The following FTL variants were observed in gnomAD, a reference collection of about 807,000 sequenced individuals.
FTL encodes ferritin light chain.
Under a neutral mutation model 16.6 loss-of-function variants are expected in FTL, and 17 were observed. The ratio of observed to expected loss-of-function variants is 1.02; its 90% CI spans 0.70 to 1.53. The LOEUF (loss-of-function observed/expected upper bound fraction) is 1.53, where lower values mean the gene tolerates loss of function less well. Among genes scored for constraint, FTL ranks in the 40% most tolerant of loss-of-function variants. FTL has a pLI of 0.00. For synonymous variants in FTL, 73 were observed against 89.9 expected, an observed-to-expected ratio of 0.81 and a Z score of 1.06; for missense variants, 186 against 226.1, an observed-to-expected ratio of 0.82 and a Z score of 1.14.
chr19:48,965,439 T>C lies in FTL; in HGVS notation c.-69T>C, dbSNP rs1600121027. ...GCTTGCAACCTCCGGGACCATCTTC[T>C]CGGCCATCTCCTGCTTCTGGGACCT... On this transcript the variant is annotated 5_prime_UTR_variant, in exon 1 of 4. Coordinates refer to ENST00000331825, the MANE Select transcript of FTL (RefSeq NM_000146.4). 1 of 1,041,200 alleles carries C rather than the reference T, an allele frequency of 9.6e-7. No individual in the cohort carries two copies. Among genetic ancestry groups the C allele is most frequent in the East Asian group, 2.4e-5 (1 of 42,334 alleles). 64.5% of individuals were successfully genotyped at this position (1,041,200 alleles called of 1,614,324 possible).
In FTL at chr19:48,965,462, CCTG is replaced by C. The variant is rs2122430309; in HGVS notation, c.-44_-42del. On this transcript the variant is annotated 5_prime_UTR_variant, in exon 1 of 4. Coordinates refer to ENST00000331825, the MANE Select transcript of FTL (RefSeq NM_000146.4). ...TCTCGGCCATCTCCTGCTTCTGGGACCTGCCAGCACCGTTTTTGTGGTTAGCTC... is the reference window on the plus strand; with the variant it reads ...TCTCGGCCATCTCCTGCTTCTGGGACCCAGCACCGTTTTTGTGGTTAGCTC... 7.5e-7 allele frequency: 1 copy of C among 1,325,376 alleles called. No individual in the cohort carries two copies. The highest frequency in any genetic ancestry group is 1.2e-5 in the South Asian group (1 of 85,394). 82.1% of individuals were successfully genotyped at this position (1,325,376 alleles called of 1,614,324 possible). A position where few individuals can be genotyped will look rare whatever the true frequency, so the allele number is the denominator to read the frequency against.
chr19:48,965,378 T>C lies in FTL; in HGVS notation c.-130T>C. The C allele has an allele frequency of 2.8e-6, 2 of 723,584 alleles. No homozygotes were observed. The highest frequency in any genetic ancestry group is 1.4e-5 in the South Asian group (1 of 69,616). The allele number at this position is 723,584 out of a possible 1,614,324, so 44.8% of individuals were successfully genotyped here. ...TTGGACGGAACAGATCCGGGGACTC[T>C]CTTCCAGCCTCCGACCGCCCTCCGA... On this transcript the variant is annotated 5_prime_UTR_variant, in exon 1 of 4. Transcript: ENST00000331825.
At chr19:48,966,478 T>C in intron 3 of FTL, 72 bp downstream of exon 3, 1 of 1,613,760 alleles carries the variant, frequency 6.2e-7, no homozygotes, top group South Asian at 1.1e-5. Context: ...GCAAATTTCC[T>C]TCAGAGCCTC....
chr19:48,965,771 G>A lies in FTL; in HGVS notation c.104G>A (p.Gly35Asp). Residue 35 changes from glycine to aspartate, a missense_variant and splice_region_variant, in exon 2 of 4, where the codon GGC becomes GAC. Gly to Asp is a moderately conservative substitution (Grantham distance 94, BLOSUM62 -1). Transcript: ENST00000331825. ...TGTTGCCTCCATCTCTTCCCGTAGG[G>A]CTTCTATTTCGACCGCGATGATGTG... ...LQASYTYLSLGFYFDRDDVAL... is the reference protein window; with the variant it reads ...LQASYTYLSLDFYFDRDDVAL... 1 of 1,614,102 alleles carries A rather than the reference G, an allele frequency of 6.2e-7. No homozygotes were observed. The highest frequency in any genetic ancestry group is 8.5e-7 in the Non-Finnish European group (1 of 1,180,020).
chr19:48,965,718 C>T, intron 1 of FTL, 52 bp from the exon 2 acceptor site: 3 of 1,612,600 alleles, frequency 1.9e-6, no homozygotes, highest in Non-Finnish European at 8.5e-7. Flanking sequence ...AGGGCGGAGT[C>T]CCCTTGGCCT....
chr19:48,966,055 G>C, intron 2 of FTL, 139 bp downstream of exon 2: 1 of 1,268,268 alleles, frequency 7.9e-7, no homozygotes. Flanking sequence ...GCTGGAAATA[G>C]AGGCGCACCT....
rs761845304 is a variant in FTL at position 48,966,417 on chromosome 19, G to T, written c.375+11G>T. On this transcript the variant is annotated intron_variant, in intron 3 of 3. Coordinates refer to ENST00000331825, the MANE Select transcript of FTL (RefSeq NM_000146.4). ...CGCACGGACCCCCATGTACGTACCC[G>T]CTGCATCCATGGCTACCCAACCATA... 6.2e-7 allele frequency: 1 copy of T among 1,613,924 alleles called. No homozygotes were observed. The highest frequency in any genetic ancestry group is 8.5e-7 in the Non-Finnish European group (1 of 1,180,020).
Position 48,965,839 on chromosome 19 carries a change from G to A in FTL, c.172G>A (p.Glu58Lys), listed in dbSNP as rs773435099. The A allele has an allele frequency of 9.9e-6, 16 of 1,614,086 alleles. No individual in the cohort carries two copies. The highest frequency in any genetic ancestry group is 1.7e-5 in the Admixed American group (1 of 59,998). Residue 58 changes from glutamate (E) to lysine (K), a missense_variant, in exon 2 of 4, where the codon GAG (glutamate) becomes AAG (lysine). Transcript: ENST00000331825. ...CCACTTCTTCCGCGAATTGGCCGAG[G>A]AGAAGCGCGAGGGCTACGAGCGTCT... ...VSHFFRELAE[E>K]KREGYERLLK...
In FTL at chr19:48,965,327, G is replaced by A; in HGVS notation, c.-181G>A. ...TCCCCTCGCAGTTCGGCGGTCCCGCGGGTCTGTCTCTTGCTTCAACAGTGT... is the reference window on the plus strand; with the variant it reads ...TCCCCTCGCAGTTCGGCGGTCCCGCAGGTCTGTCTCTTGCTTCAACAGTGT... On this transcript the variant is annotated 5_prime_UTR_variant, in exon 1 of 4. Transcript: ENST00000331825. The A allele has an allele frequency of 1.6e-6, 1 of 637,262 alleles. No homozygotes were observed. The highest frequency in any genetic ancestry group is 2.9e-5 in the East Asian group (1 of 34,998). 39.5% of individuals were successfully genotyped at this position (637,262 alleles called of 1,614,324 possible).
Position 48,966,492 on chromosome 19 carries a change from T to C in FTL, c.375+86T>C. On this transcript the variant is annotated intron_variant, in intron 3 of 3. Transcript: ENST00000331825. Reference sequence around the variant, plus strand: ...GGCAAATTTCCTTCAGAGCCTCATTTCACACCTGTCACATTTTAATCTGCA... The same window carrying C: ...GGCAAATTTCCTTCAGAGCCTCATTCCACACCTGTCACATTTTAATCTGCA... The C allele has an allele frequency of 7.4e-6, 12 of 1,612,866 alleles. No individual in the cohort carries two copies. In the East Asian group the frequency reaches 2.7e-4, roughly 36 times the overall value.
chr19:48,965,822 T>C lies in FTL; in HGVS notation c.155T>C (p.Phe52Ser). The stretch of plus-strand genomic sequence containing the variant: ...GCTCTGGAAGGCGTGAGCCACTTCT[T>C]CCGCGAATTGGCCGAGGAGAAGCGC... ...DVALEGVSHF[F>S]RELAEEKREG... Residue 52 changes from phenylalanine to serine, a missense_variant, in exon 2 of 4, where the codon TTC becomes TCC. Transcript: ENST00000331825. 6.2e-7 allele frequency: 1 copy of C among 1,614,184 alleles called. No individual in the cohort carries two copies. Among genetic ancestry groups the C allele is most frequent in the Non-Finnish European group, 8.5e-7 (1 of 1,180,036 alleles).
At position 48,966,770 on chromosome 19, in the gene FTL, C is replaced by G. The variant is rs571937803; in HGVS notation, c.*35C>G. 1 of 1,610,114 alleles carries G rather than the reference C, an allele frequency of 6.2e-7. No homozygotes were observed. Among genetic ancestry groups the G allele is most frequent in the African/African-American group, 1.3e-5 (1 of 74,954 alleles). On this transcript the variant is annotated 3_prime_UTR_variant, in exon 4 of 4. Coordinates refer to ENST00000331825, the MANE Select transcript of FTL (RefSeq NM_000146.4). Reference sequence around the variant, plus strand: ...GAGCCCAGCGACTTCTGAAGGGCCCCTTGCAAAGTAATAGGGCTTCTGCCT... The same window carrying G: ...GAGCCCAGCGACTTCTGAAGGGCCCGTTGCAAAGTAATAGGGCTTCTGCCT...
chr19:48,965,609 G>A lies in FTL; in HGVS notation c.102G>A (p.Leu34=), dbSNP rs2038442673. The change falls in exon 1 of 4, where the codon CTG becomes CTA. Residue 34 remains leucine (L), a splice_region_variant and synonymous_variant. Transcript: ENST00000331825. The part of the protein sequence containing the change: ...YLQASYTYLS[L]GFYFDRDDVA... ...AGGCCTCCTACACCTACCTCTCTCTGGTGAGTCCCCAGGACGCCCCTGGCC... is the reference window on the plus strand; with the variant it reads ...AGGCCTCCTACACCTACCTCTCTCTAGTGAGTCCCCAGGACGCCCCTGGCC... 1.2e-6 allele frequency: 2 copies of A among 1,612,282 alleles called. No homozygotes were observed. Among genetic ancestry groups the A allele is most frequent in the Admixed American group, 1.7e-5 (1 of 60,000 alleles).
intron 1 of FTL, 76 bp downstream of exon 1, chr19:48,965,685 T>C: frequency 1.2e-6 from 2 of 1,607,942 alleles, no homozygotes; most frequent in East Asian, 4.5e-5. Context: ...GCGCCAGCCT[T>C]CTTTGTGCGG....
rs1048509386 is a variant in FTL at position 48,965,490 on chromosome 19, C to T, written c.-18C>T. ...GCCAGCACCGTTTTTGTGGTTAGCT[C>T]CTTCTTGCCAACCAACCATGAGCTC... On this transcript the variant is annotated 5_prime_UTR_variant, in exon 1 of 4. Coordinates refer to ENST00000331825, the MANE Select transcript of FTL (RefSeq NM_000146.4). The T allele has an allele frequency of 3.2e-6, 5 of 1,587,042 alleles. No homozygotes were observed. Among genetic ancestry groups the T allele is most frequent in the African/African-American group, 1.3e-5 (1 of 74,436 alleles).
At chr19:48,966,240 C>G (rs756331308) in intron 2 of FTL, 41 bp from the exon 3 acceptor site, 1 of 1,613,348 alleles carries the variant, frequency 6.2e-7, no homozygotes, top group South Asian at 1.1e-5. Flanking sequence ...GTTCTATGTG[C>G]CGAGTGTGTG....
At position 48,965,435 on chromosome 19, in the gene FTL, C is replaced by A; in HGVS notation, c.-73C>A. 1 of 1,004,310 alleles carries A rather than the reference C, an allele frequency of 1.0e-6. No individual in the cohort carries two copies. The highest frequency in any genetic ancestry group is 1.7e-5 in the Admixed American group (1 of 59,134). 62.2% of individuals were successfully genotyped at this position (1,004,310 alleles called of 1,614,324 possible). A position where few individuals can be genotyped will look rare whatever the true frequency, so the allele number is the denominator to read the frequency against. On this transcript the variant is annotated 5_prime_UTR_variant, in exon 1 of 4. Transcript: ENST00000331825. ...CTCCGCTTGCAACCTCCGGGACCAT[C>A]TTCTCGGCCATCTCCTGCTTCTGGG...
chr19:48,966,429 G>T (rs989111639), intron 3 of FTL, 23 bp downstream of exon 3: 8 of 1,613,974 alleles, frequency 5.0e-6, no homozygotes, highest in Non-Finnish European at 6.8e-6. Context: ...TGCATCCATG[G>T]CTACCCAACC....
rs773293832 is a variant in FTL at position 48,966,287 on chromosome 19, G to C, written c.256G>C (p.Ala86Pro). 1 of 1,614,100 alleles carries C rather than the reference G, an allele frequency of 6.2e-7. No individual in the cohort carries two copies. The highest frequency in any genetic ancestry group is 1.7e-5 in the Admixed American group (1 of 60,006). Residue 86 changes from alanine to proline, a missense_variant, in exon 3 of 4, where the codon GCT becomes CCT. Coordinates refer to ENST00000331825, the MANE Select transcript of FTL (RefSeq NM_000146.4). The stretch of plus-strand genomic sequence containing the variant: ...ATTTCTCCCTTCTATATAGAAGCCA[G>C]CTGAAGATGAGTGGGGTAAAACCCC... ...RALFQDIKKP[A>P]EDEWGKTPDA...
Sources: allele counts gnomAD v4.1 joint callset, GRCh38; gene constraint gnomAD v4.1.1; transcripts MANE v1.5; gene names NCBI Gene and HGNC (gene_info 2026-07-23, HGNC 2026-07-21).